The following FILIP1 variants were observed in gnomAD, a reference collection of about 807,000 sequenced individuals.
The protein encoded by FILIP1 is filamin A interacting protein 1, also known as filamin-A-interacting protein 1.
In FILIP1, 61 loss-of-function variants were observed where a neutral mutation model predicts 102.1. The observed-to-expected ratio is 0.60, with a 90% CI of 0.49 to 0.74. FILIP1 has a LOEUF of 0.74. Ranked by LOEUF, FILIP1 falls within the 30% of genes least tolerant of loss-of-function variation. The pLI, the probability that FILIP1 is intolerant of heterozygous loss-of-function variation, is 0.00. For synonymous variants in FILIP1, 491 were observed against 526.9 expected (o/e 0.93, Z 0.93); for missense variants, 1,314 against 1,441.2 (o/e 0.91, Z 1.43).
chr6:75,392,328 C>T (rs1189220836), intron 2 of FILIP1, among the ~76,000 whole-genome samples: 1 of 152,132 alleles, frequency 6.6e-6, no homozygotes, highest in Non-Finnish European at 1.5e-5. Flanking sequence ...CTTCCCTGAA[C>T]TCTAGACTCA....
chr6:75,364,908 T>G (rs1190798681), intron 2 of FILIP1, among the ~76,000 whole-genome samples: 1 of 152,238 alleles, frequency 6.6e-6, no homozygotes, highest in African/African-American at 2.4e-5. Context: ...GGTCAGTTTT[T>G]TGCTTAGACC....
intron 2 of FILIP1, among the ~76,000 whole-genome samples, chr6:75,397,660 T>C (rs958700600): frequency 6.6e-6 from 1 of 151,494 alleles, no homozygotes; most frequent in South Asian, 2.1e-4. Flanking sequence ...CATTTAAAGT[T>C]CAAAAACAGT....
At chr6:75,431,087 G>T (rs1777807982) in intron 1 of FILIP1, among the ~76,000 whole-genome samples, 2 of 152,216 alleles carry the variant, frequency 1.3e-5, no homozygotes, top group South Asian at 4.1e-4. Context: ...TCCTTCATAC[G>T]GCACTGTTAT....
At chr6:75,336,571 TCA>T (rs1774250004) in intron 4 of FILIP1, among the ~76,000 whole-genome samples, 2 of 152,150 alleles carry the variant, frequency 1.3e-5, no homozygotes, top group Non-Finnish European at 2.9e-5. Flanking sequence ...CATCTTGTAC[TCA>T]GTTTGCTTCT....
At chr6:75,411,696 T>C (rs895598603) in intron 2 of FILIP1, among the ~76,000 whole-genome samples, 1 of 152,232 alleles carries the variant, frequency 6.6e-6, no homozygotes, top group Non-Finnish European at 1.5e-5. Context: ...TGCTTGTTTT[T>C]GTCAGGTTTG....
intron 1 of FILIP1, among the ~76,000 whole-genome samples, chr6:75,442,550 G>A (rs1366642923): frequency 6.6e-6 from 1 of 152,070 alleles, no homozygotes; most frequent in African/African-American, 2.4e-5. Context: ...TTAGGAGCTG[G>A]AGACCAGCCC....
intron 2 of FILIP1, among the ~76,000 whole-genome samples, chr6:75,410,986 G>GA (rs558304792): frequency 8.2e-4 from 125 of 152,290 alleles, no homozygotes; most frequent in African/African-American, 2.8e-3. Flanking sequence ...GATCCTTGAG[G>GA]AATCTCCACA....
intron 5 of FILIP1, 33 bp downstream of exon 5, chr6:75,312,364 G>A (rs1308132979): frequency 4.4e-6 from 7 of 1,587,624 alleles, no homozygotes; most frequent in Non-Finnish European, 6.0e-6. Context: ...CCCTCCCTCT[G>A]CAGGCCTGCG....
At chr6:75,374,585 G>A (rs1775691543) in intron 2 of FILIP1, among the ~76,000 whole-genome samples, 1 of 152,090 alleles carries the variant, frequency 6.6e-6, no homozygotes, top group South Asian at 2.1e-4. Context: ...CACCATTGAT[G>A]GCCAGGCTGG....
At chr6:75,322,666 A>G (rs373493979) in intron 4 of FILIP1, among the ~76,000 whole-genome samples, 4 of 152,312 alleles carry the variant, frequency 2.6e-5, no homozygotes, top group South Asian at 4.1e-4. Context: ...TCTTAAATGT[A>G]TTCTTAATTT....
At chr6:75,328,415 G>A (rs368443040) in intron 4 of FILIP1, among the ~76,000 whole-genome samples, 59 of 152,278 alleles carry the variant, frequency 3.9e-4, no homozygotes, top group African/African-American at 1.3e-3. Context: ...GAAGATTATT[G>A]ATGGGTACAT....
At chr6:75,374,514 G>C (rs1297322449) in intron 2 of FILIP1, among the ~76,000 whole-genome samples, 1 of 152,146 alleles carries the variant, frequency 6.6e-6, no homozygotes, top group African/African-American at 2.4e-5. Context: ...GAGTAGCTGG[G>C]ACTACAGGCG....
intron 1 of FILIP1, among the ~76,000 whole-genome samples, chr6:75,421,617 A>G (rs1324892448): frequency 2.6e-5 from 4 of 151,852 alleles, no homozygotes; most frequent in African/African-American, 4.8e-5. Flanking sequence ...TCTCTTCCCT[A>G]CTTCAGCTCG....
chr6:75,349,780 C>T (rs751745347), intron 4 of FILIP1, among the ~76,000 whole-genome samples: 2 of 152,156 alleles, frequency 1.3e-5, no homozygotes, highest in Admixed American at 1.3e-4. Context: ...AGGGATGCAG[C>T]GACCCAGCCA....
Position 75,314,768 on chromosome 6 carries a change from G to A in FILIP1, c.1064C>T (p.Ala355Val), listed in dbSNP as rs1773369015. Residue 355 changes from alanine (A) to valine (V), a missense_variant, in exon 5 of 6, where the codon GCA (alanine) becomes GTA (valine). Physicochemically the swap from Ala to Val is moderately conservative, Grantham distance 64 (BLOSUM62 0). Transcript: ENST00000237172. The part of the protein sequence containing the change: ...LEETNKNLQK[A>V]EEELQELRDK... Reference sequence around the variant, plus strand: ...TCTTAATTCTTGAAGTTCTTCCTCTGCCTTCTGCAGATTTTTGTTGGTCTC... The same window carrying A: ...TCTTAATTCTTGAAGTTCTTCCTCTACCTTCTGCAGATTTTTGTTGGTCTC... 1 of 1,614,074 alleles carries A rather than the reference G, an allele frequency of 6.2e-7. No homozygotes were observed. Among genetic ancestry groups the A allele is most frequent in the East Asian group, 2.2e-5 (1 of 44,886 alleles).
In FILIP1 at chr6:75,313,486, G is replaced by T; in HGVS notation, c.2346C>A (p.Tyr782Ter). 6.2e-7 allele frequency: 1 copy of T among 1,614,212 alleles called. No homozygotes were observed. The highest frequency in any genetic ancestry group is 2.2e-5 in the East Asian group (1 of 44,884). Residue 782 changes from tyrosine (Y) to a stop codon, truncating the protein, a stop_gained, in exon 5 of 6, where the codon TAC (tyrosine) becomes TAA (stop). Transcript: ENST00000237172. LOFTEE classifies it high-confidence loss of function. The surrounding 1 kb of genome is among the most constrained non-coding windows in gnomAD (Gnocchi z 4.2). ...LTKELELSKR[Y>*]SRALRPSVNG... ...TCACACTGGGCCTAAGAGCTCTGCTGTAGCGCTTGGAAAGCTCCAACTCTT... is the reference window on the plus strand; with the variant it reads ...TCACACTGGGCCTAAGAGCTCTGCTTTAGCGCTTGGAAAGCTCCAACTCTT...
chr6:75,298,297 G>A (rs1489446590), intron 6 of FILIP1, among the ~76,000 whole-genome samples: 1 of 152,116 alleles, frequency 6.6e-6, no homozygotes, highest in East Asian at 1.9e-4. Flanking sequence ...AAATGTCTCA[G>A]AAATACTTGA....
At chr6:75,342,573 C>T (rs1018969525) in intron 4 of FILIP1, among the ~76,000 whole-genome samples, 1 of 152,236 alleles carries the variant, frequency 6.6e-6, no homozygotes, top group Non-Finnish European at 1.5e-5. Flanking sequence ...AAGTCAGGAT[C>T]TCCTGAGTTC....
chr6:75,385,296 T>G (rs1042215270), intron 2 of FILIP1, among the ~76,000 whole-genome samples: 5 of 152,158 alleles, frequency 3.3e-5, no homozygotes, highest in African/African-American at 1.2e-4. Flanking sequence ...ATATGCTAAT[T>G]AATTTTTAAA....
Sources: allele counts gnomAD v4.1 joint callset (sites outside exome capture counted in the v4.1 genomes callset), GRCh38; gene constraint gnomAD v4.1.1; non-coding constraint Gnocchi (gnomAD v3.1); transcripts MANE v1.5; gene names NCBI Gene and HGNC (gene_info 2026-07-23, HGNC 2026-07-21).